SNED1: variants seen among roughly 807,000 people sequenced by gnomAD.
SNED1 encodes sushi, nidogen and EGF like domains 1, also known as sushi, nidogen and EGF-like domain-containing protein 1.
SNED1 carries 81 observed loss-of-function variants against 166.7 expected under a neutral mutation model. The ratio of observed to expected loss-of-function variants is 0.49; its 90% CI spans 0.41 to 0.58. SNED1 has a LOEUF of 0.58. Ranked by LOEUF, SNED1 falls within the 20% of genes least tolerant of loss-of-function variation. The pLI is 0.00. For missense variants in SNED1, 1,604 were observed against 2,000.2 expected (o/e 0.80, Z 3.78); for synonymous variants, 762 against 822.0 (o/e 0.93, Z 1.25).
At chr2:241,072,335 C>G in intron 26 of SNED1, 1 of 405,166 alleles carries the variant, frequency 2.5e-6, no homozygotes, top group South Asian at 1.8e-5. Context: ...GCTGATGGGC[C>G]CAGGTGCCTT....
Position 241,062,783 on chromosome 2 carries a change from CCT to C in SNED1, c.2258-4_2258-3del. The C allele has an allele frequency of 1.3e-6, 2 of 1,596,954 alleles. No homozygotes were observed. The highest frequency in any genetic ancestry group is 1.7e-6 in the Non-Finnish European group (2 of 1,168,754). ...ACATTGCTTTATTCTTGGGCTCTCTCCTCTCAGAAATCGATGAGTGCCGGTCT... is the reference window on the plus strand; with the variant it reads ...ACATTGCTTTATTCTTGGGCTCTCTCCTCAGAAATCGATGAGTGCCGGTCT... On this transcript the variant is annotated splice_polypyrimidine_tract_variant and splice_region_variant and intron_variant, in intron 16 of 31. Coordinates refer to ENST00000310397, the MANE Select transcript of SNED1 (RefSeq NM_001080437.3).
intron 1 of SNED1, among the ~76,000 whole-genome samples, chr2:241,026,514 C>T (rs1234670969): frequency 1.3e-5 from 2 of 152,082 alleles, no homozygotes; most frequent in African/African-American, 4.8e-5. Context: ...CTTTTTGTCT[C>T]CTTTAAAATT....
intron 1 of SNED1, among the ~76,000 whole-genome samples, chr2:241,001,419 A>G (rs998692610): frequency 6.6e-6 from 1 of 152,134 alleles, no homozygotes; most frequent in Admixed American, 6.5e-5. Flanking sequence ...GAAGGGACCC[A>G]TTGTTTTGCT....
chr2:241,031,521 C>T (rs1559239697), intron 2 of SNED1, among the ~76,000 whole-genome samples: 1 of 152,222 alleles, frequency 6.6e-6, no homozygotes, highest in African/African-American at 2.4e-5. Context: ...GCATCTGCCC[C>T]GTGGGGTCAC....
Position 241,087,417 on chromosome 2 carries a change from C to A in SNED1, c.4147C>A (p.Gln1383Lys). ...GTATAAAAGAGTCTACCGAGTTCAC[C>A]AAGACATCTGCTTCAAAGAGAGCTG... ...HVYKRVYRVH[Q>K]DICFKESCES... The change falls in exon 30 of 32, where the codon CAA (glutamine) becomes AAA (lysine). Residue 1383 changes from glutamine to lysine, a missense_variant. Gln to Lys is a moderately conservative substitution (Grantham distance 53). This residue lies in a region of SNED1 where 367 missense variants were observed against 379.4 expected (regional missense o/e 0.97). Coordinates refer to ENST00000310397, the MANE Select transcript of SNED1 (RefSeq NM_001080437.3). 1 of 1,603,498 alleles carries A rather than the reference C, an allele frequency of 6.2e-7. No individual in the cohort carries two copies. The highest frequency in any genetic ancestry group is 1.1e-5 in the South Asian group (1 of 88,884).
chr2:241,080,014 G>A (rs1435104657), intron 27 of SNED1, among the ~76,000 whole-genome samples: 1 of 152,204 alleles, frequency 6.6e-6, no homozygotes, highest in African/African-American at 2.4e-5. Flanking sequence ...GCTGGGCGCA[G>A]TGGCTCACAC....
At chr2:241,022,453 T>C (rs1316685600) in intron 1 of SNED1, among the ~76,000 whole-genome samples, 1 of 152,148 alleles carries the variant, frequency 6.6e-6, no homozygotes, top group African/African-American at 2.4e-5. Flanking sequence ...GTATATCCAG[T>C]CTTACCAGCA....
At chr2:241,071,979 G>A (rs760382063) in intron 26 of SNED1, 101 bp downstream of exon 26, 12 of 1,015,390 alleles carry the variant, frequency 1.2e-5, no homozygotes, top group East Asian at 5.2e-5. Flanking sequence ...CACCCCCACC[G>A]CCAGCGCAGT....
rs2060723348 is a variant in SNED1, at chr2:241,019,972, G to A, written c.214-10312G>A. Among the ~76,000 whole-genome samples, 4 of 152,206 alleles carry A rather than the reference G, an allele frequency of 2.6e-5. No homozygotes were observed. The South Asian group carries it at 6.2e-4, about 24-fold the overall frequency. On this transcript the variant is annotated intron_variant, in intron 1 of 31. Coordinates refer to ENST00000310397, the MANE Select transcript of SNED1 (RefSeq NM_001080437.3). ...TAAGTACGTGAGTGTGCTCAGCCGT[G>A]CTCCCACAAACCCTGTTTCTGAAAC...
Position 241,040,307 on chromosome 2 carries a change from C to A in SNED1, c.1167C>A (p.Asp389Glu), listed in dbSNP as rs777591593. The A allele has an allele frequency of 6.2e-7, 1 of 1,601,920 alleles. No homozygotes were observed. ...ACCTCTGCTGCCCCTCAGATGTGGA[C>A]GACTGCAGCCCTGACCCCTGCCTGA... Reference protein sequence around the residue: ...YTGAACEMDVDDCSPDPCLNG... With the variant: ...YTGAACEMDVEDCSPDPCLNG... Residue 389 changes from aspartate to glutamate, a missense_variant, in exon 8 of 32, where the codon GAC (aspartate) becomes GAA (glutamate). By Grantham distance (45) the Asp-to-Glu change is conservative. Transcript: ENST00000310397.
At chr2:241,008,172 G>A (rs141740931) in intron 1 of SNED1, among the ~76,000 whole-genome samples, 97 of 152,376 alleles carry the variant, frequency 6.4e-4, no homozygotes, top group African/African-American at 2.1e-3. Flanking sequence ...ACCTGGGGGC[G>A]TGGCAGGAAT....
intron 1 of SNED1, among the ~76,000 whole-genome samples, chr2:241,028,054 G>A (rs997811994): frequency 2.0e-5 from 3 of 152,172 alleles, no homozygotes; most frequent in Admixed American, 6.5e-5. Flanking sequence ...TTTAATAGCA[G>A]TGATGTTGAA....
intron 27 of SNED1, among the ~76,000 whole-genome samples, chr2:241,079,530 A>G (rs952184788): frequency 6.6e-6 from 1 of 150,474 alleles, no homozygotes; most frequent in African/African-American, 2.5e-5. Context: ...AATGAAACTA[A>G]TAAGATGGTT....
chr2:241,036,557 C>T (rs1443284935), intron 4 of SNED1, among the ~76,000 whole-genome samples: 1 of 152,092 alleles, frequency 6.6e-6, no homozygotes. Context: ...GGGAGTCCGC[C>T]CCACACGAAG....
intron 1 of SNED1, among the ~76,000 whole-genome samples, chr2:241,022,792 G>T (rs563900908): frequency 2.9e-4 from 44 of 152,054 alleles, no homozygotes; most frequent in Non-Finnish European, 5.9e-4. Context: ...GCCAGTTTTG[G>T]TAAGTTGCAT....
chr2:241,084,542 G>A (rs1010054392), intron 29 of SNED1, among the ~76,000 whole-genome samples: 14 of 152,124 alleles, frequency 9.2e-5, no homozygotes, highest in African/African-American at 2.9e-4. Flanking sequence ...CCATGGCAGC[G>A]GCTGACATCA....
Position 241,065,241 on chromosome 2 carries a change from G to A in SNED1, c.2714-58G>A, listed in dbSNP as rs1395932159. The A allele has an allele frequency of 1.9e-6, 3 of 1,578,576 alleles. No homozygotes were observed. The South Asian group carries it at 3.4e-5, about 18-fold the overall frequency. On this transcript the variant is annotated intron_variant, in intron 20 of 31. Coordinates refer to ENST00000310397, the MANE Select transcript of SNED1 (RefSeq NM_001080437.3). The stretch of plus-strand genomic sequence containing the variant: ...CGGCTGAGCCGCCGACGGGAGCCAG[G>A]CATGCATAGCTAACGGCTGACCAGT...
At chr2:241,058,189 AGAAT>A (rs1237075998) in intron 16 of SNED1, among the ~76,000 whole-genome samples, 1 of 152,222 alleles carries the variant, frequency 6.6e-6, no homozygotes, top group African/African-American at 2.4e-5. Flanking sequence ...AGCATCATTA[AGAAT>A]GAGAGGGTGT....
rs944120225 is a variant in SNED1, at chr2:241,013,461, A to G, written c.213+14411A>G. On this transcript the variant is annotated intron_variant, in intron 1 of 31. Coordinates refer to ENST00000310397, the MANE Select transcript of SNED1 (RefSeq NM_001080437.3). The surrounding 1 kb of genome is among the most constrained non-coding windows in gnomAD (Gnocchi z 4.6). Reference sequence around the variant, plus strand: ...TCCACCCCACCCCGCTGGCCCTAGTAGCTGGGATTATAGGCACGCACCACC... The same window carrying G: ...TCCACCCCACCCCGCTGGCCCTAGTGGCTGGGATTATAGGCACGCACCACC... 6.6e-6 allele frequency among the ~76,000 whole-genome samples: 1 copy of G among 151,994 alleles called. No individual in the cohort carries two copies. Among genetic ancestry groups the G allele is most frequent in the Non-Finnish European group, 1.5e-5 (1 of 68,012 alleles).
Sources: allele counts gnomAD v4.1 joint callset (sites outside exome capture counted in the v4.1 genomes callset), GRCh38; gene constraint gnomAD v4.1.1; regional missense constraint gnomAD v4.1.1; non-coding constraint Gnocchi (gnomAD v3.1); transcripts MANE v1.5; gene names NCBI Gene and HGNC (gene_info 2026-07-23, HGNC 2026-07-21).